AOC3: variants seen among roughly 807,000 people sequenced by gnomAD.
AOC3 encodes amine oxidase [copper-containing] 3.
A neutral mutation model predicts 55.4 loss-of-function variants in AOC3; 47 were observed. That is an observed-to-expected ratio of 0.85 (90% CI 0.67 to 1.08). The LOEUF is 1.08. Among genes scored for constraint, AOC3 ranks in the 50% least tolerant of loss-of-function variants. The pLI is 0.00. For synonymous variants in AOC3, 386 were observed against 410.7 expected (o/e 0.94, Z 0.73); for missense variants, 853 against 993.1 (o/e 0.86, Z 1.90).
chr17:42,855,322 G>A (rs1355555761), intron 2 of AOC3, 122 bp from the exon 3 acceptor site: 107 of 1,343,376 alleles, frequency 8.0e-5, no homozygotes, highest in Non-Finnish European at 9.9e-5. Context: ...ATTCTGTAGC[G>A]CCGAGTCAGT....
Position 42,852,106 on chromosome 17 carries a change from G to T in AOC3, c.763G>T (p.Asp255Tyr). ...LELLVNHKALDPARWTIQKVF... is the reference protein window; with the variant it reads ...LELLVNHKALYPARWTIQKVF... ...GCTGCTAGTGAACCACAAGGCCCTT[G>T]ACCCTGCCCGCTGGACTATCCAGAA... is the stretch of plus-strand genomic sequence containing the variant. Residue 255 changes from aspartate (D) to tyrosine (Y), a missense_variant, in exon 1 of 4, where the codon GAC (aspartate) becomes TAC (tyrosine). Asp to Tyr is a radical substitution (Grantham distance 160). Transcript: ENST00000308423. 1.9e-6 allele frequency: 3 copies of T among 1,613,860 alleles called. No homozygotes were observed. The highest frequency in any genetic ancestry group is 2.5e-6 in the Non-Finnish European group (3 of 1,179,860).
chr17:42,856,711 T>A lies in AOC3; in HGVS notation c.*161T>A. The A allele has an allele frequency of 1.2e-6, 1 of 820,680 alleles. No homozygotes were observed. The allele number at this position is 820,680 out of a possible 1,614,324, so 50.8% of individuals were successfully genotyped here. On this transcript the variant is annotated 3_prime_UTR_variant, in exon 4 of 4. Coordinates refer to ENST00000308423, the MANE Select transcript of AOC3 (RefSeq NM_003734.4). Reference sequence around the variant, plus strand: ...CGCATCCGCCTCTGAGCCAGGAGCCTCCTGACCCTGTGATGCCTGACACAG... The same window carrying A: ...CGCATCCGCCTCTGAGCCAGGAGCCACCTGACCCTGTGATGCCTGACACAG...
In AOC3 at chr17:42,852,073, G is replaced by T. The variant is rs1432869463; in HGVS notation, c.730G>T (p.Gly244Cys). ...CGCTGGGTTCTTCCTGCACCACGTGGGCTTGGAGCTGCTAGTGAACCACAA... is the reference window on the plus strand; with the variant it reads ...CGCTGGGTTCTTCCTGCACCACGTGTGCTTGGAGCTGCTAGTGAACCACAA... ...SGAGFFLHHV[G>C]LELLVNHKAL... The change falls in exon 1 of 4, where the codon GGC becomes TGC. Residue 244 changes from glycine to cysteine, a missense_variant. Transcript: ENST00000308423. 1 of 1,613,876 alleles carries T rather than the reference G, an allele frequency of 6.2e-7. No individual in the cohort carries two copies.
In AOC3 at chr17:42,856,468, A is replaced by G. The variant is rs780278122; in HGVS notation, c.2210A>G (p.Asn737Ser). ...CAGGATGCTGGGGCCTGCGAGGTCA[A>G]CCCCCTAGCTTGCCTGCCCCAGGCT... ...GDQDAGACEV[N>S]PLACLPQAAA... The change falls in exon 4 of 4, where the codon AAC (asparagine) becomes AGC (serine). Residue 737 changes from asparagine to serine, a missense_variant. Asn to Ser is a conservative substitution (Grantham distance 46). Coordinates refer to ENST00000308423, the MANE Select transcript of AOC3 (RefSeq NM_003734.4). The G allele has an allele frequency of 1.9e-5, 31 of 1,612,630 alleles. No individual in the cohort carries two copies. The African/African-American group carries it at 3.1e-4, about 16-fold the overall frequency.
At position 42,854,434 on chromosome 17, in the gene AOC3, C is replaced by G. The variant is rs1208128538; in HGVS notation, c.1601-14C>G. The stretch of plus-strand genomic sequence containing the variant: ...AGTTGCCTGACAGGCCCTCCCCTAT[C>G]CCACCCTGAGCAGGACTGGAGAACT... On this transcript the variant is annotated splice_polypyrimidine_tract_variant and intron_variant, in intron 1 of 3. Coordinates refer to ENST00000308423, the MANE Select transcript of AOC3 (RefSeq NM_003734.4). 2.7e-6 allele frequency: 4 copies of G among 1,485,488 alleles called. No individual in the cohort carries two copies. Among genetic ancestry groups the G allele is most frequent in the Non-Finnish European group, 3.6e-6 (4 of 1,113,250 alleles). 92.0% of individuals were successfully genotyped at this position (1,485,488 alleles called of 1,614,324 possible). A position where few individuals can be genotyped will look rare whatever the true frequency, so the allele number is the denominator to read the frequency against.
Position 42,857,674 on chromosome 17 carries a change from A to G in AOC3, c.*1124A>G, listed in dbSNP as rs1047330331. 6.6e-6 allele frequency: 1 copy of G among 152,292 alleles called. No individual in the cohort carries two copies. Among genetic ancestry groups the G allele is most frequent in the African/African-American group, 2.4e-5 (1 of 41,448 alleles). The allele number at this position is 152,292 out of a possible 1,614,324, so 9.4% of individuals were successfully genotyped here. On this transcript the variant is annotated 3_prime_UTR_variant, in exon 4 of 4. Transcript: ENST00000308423. The stretch of plus-strand genomic sequence containing the variant: ...CTGGCCTGGTCCAGGCTTGGGCTCC[A>G]TTCCCATCACTGCTGTCCCTCCTGA...
intron 2 of AOC3, 136 bp from the exon 3 acceptor site, chr17:42,855,308 G>C: frequency 1.6e-6 from 2 of 1,217,434 alleles, no homozygotes; most frequent in Non-Finnish European, 2.3e-6. Flanking sequence ...GGGTGACGTC[G>C]GGGATTCTGT....
In AOC3 at chr17:42,856,577, A is replaced by G; in HGVS notation, c.*27A>G. The G allele has an allele frequency of 6.9e-7, 1 of 1,450,364 alleles. No individual in the cohort carries two copies. 89.8% of individuals were successfully genotyped at this position (1,450,364 alleles called of 1,614,324 possible). A position where few individuals can be genotyped will look rare whatever the true frequency, so the allele number is the denominator to read the frequency against. ...CGGTCCTGGGATGGGGCATGTGGCC[A>G]AGGGCTCCAGGGCCAGGGTGTGAGG... is the stretch of plus-strand genomic sequence containing the variant. On this transcript the variant is annotated 3_prime_UTR_variant, in exon 4 of 4. Transcript: ENST00000308423.
rs2055745459 is a variant in AOC3, at chr17:42,856,194, TG to T, written c.2017-78del. On this transcript the variant is annotated intron_variant, in intron 3 of 3. Coordinates refer to ENST00000308423, the MANE Select transcript of AOC3 (RefSeq NM_003734.4). ...AAAATGTTTAAAGACTCATGATCCT[TG>T]GGCTGGTGAGCTGAATCCCTACCAG... is the stretch of plus-strand genomic sequence containing the variant. 5 of 1,538,820 alleles carry T rather than the reference TG, an allele frequency of 3.2e-6. No individual in the cohort carries two copies. In the African/African-American group the frequency reaches 4.1e-5, roughly 13 times the overall value.
Position 42,854,542 on chromosome 17 carries a change from C to G in AOC3, c.1695C>G (p.Thr565=), listed in dbSNP as rs2055719883. 1.2e-6 allele frequency: 2 copies of G among 1,610,736 alleles called. No homozygotes were observed. Among genetic ancestry groups the G allele is most frequent in the East Asian group, 2.2e-5 (1 of 44,606 alleles). ...ACCAGCTGCAGAGGCTGCAGGTGAC[C>G]CGGAAGCTGCTGGAGATGGAGGAGC... ...PEHQLQRLQV[T]RKLLEMEEQA... The change falls in exon 2 of 4, where the codon ACC becomes ACG. Residue 565 remains threonine (T), a synonymous_variant. Coordinates refer to ENST00000308423, the MANE Select transcript of AOC3 (RefSeq NM_003734.4).
In AOC3 at chr17:42,851,403, G is replaced by C; in HGVS notation, c.60G>C (p.Leu20Phe). 1 of 1,613,688 alleles carries C rather than the reference G, an allele frequency of 6.2e-7. No individual in the cohort carries two copies. Among genetic ancestry groups the C allele is most frequent in the Non-Finnish European group, 8.5e-7 (1 of 1,179,766 alleles). The change falls in exon 1 of 4, where the codon TTG becomes TTC. Residue 20 changes from leucine to phenylalanine, a missense_variant. By Grantham distance (22) the Leu-to-Phe change is conservative. Transcript: ENST00000308423. ...TGGCCGTCATCACCATCTTTGCCTT[G>C]GTTTGTGTCCTGCTGGTGGGCAGGG... ...LILAVITIFA[L>F]VCVLLVGRGG... is the part of the protein sequence containing the mutation.
At position 42,852,188 on chromosome 17, in the gene AOC3, A is replaced by G. The variant is rs1207513587; in HGVS notation, c.845A>G (p.Glu282Gly). 9.9e-6 allele frequency: 16 copies of G among 1,613,808 alleles called. No individual in the cohort carries two copies. The highest frequency in any genetic ancestry group is 1.3e-5 in the Non-Finnish European group (15 of 1,179,812). The change falls in exon 1 of 4, where the codon GAG becomes GGG. Residue 282 changes from glutamate (E) to glycine (G), a missense_variant. By Grantham distance (98) the Glu-to-Gly change is moderately conservative. Transcript: ENST00000308423. ...DSLAQLEAQF[E>G]AGLVNVVLIP... is the part of the protein sequence containing the mutation. ...CTGGCCCAGCTGGAGGCCCAGTTTG[A>G]GGCCGGCCTGGTGAATGTGGTGCTG...
At chr17:42,853,221 A>G in intron 1 of AOC3, 1 of 1,290,698 alleles carries the variant, frequency 7.7e-7, no homozygotes, top group Non-Finnish European at 9.9e-7. Context: ...CAGTGTCCCC[A>G]TTGCCCTCTT....
rs1412201918 is a variant in AOC3 at position 42,854,461 on chromosome 17, G to A, written c.1614G>A (p.Trp538Ter). The A allele has an allele frequency of 2.6e-6, 4 of 1,547,890 alleles. No homozygotes were observed. Among genetic ancestry groups the A allele is most frequent in the African/African-American group, 2.8e-5 (2 of 72,720 alleles). The change falls in exon 2 of 4, where the codon TGG becomes TGA. Residue 538 changes from tryptophan (W) to a stop codon, truncating the protein, a stop_gained. Transcript: ENST00000308423. LOFTEE classifies it high-confidence loss of function. ...VDLDVAGLEN[W>*]VWAEDMVFVP... Reference sequence around the variant, plus strand: ...CACCCTGAGCAGGACTGGAGAACTGGGTCTGGGCCGAGGATATGGTCTTTG... The same window carrying A: ...CACCCTGAGCAGGACTGGAGAACTGAGTCTGGGCCGAGGATATGGTCTTTG...
At position 42,851,600 on chromosome 17, in the gene AOC3, C is replaced by T. The variant is rs1391983101; in HGVS notation, c.257C>T (p.Ala86Val). The change falls in exon 1 of 4, where the codon GCA becomes GTA. Residue 86 changes from alanine (A) to valine (V), a missense_variant. Transcript: ENST00000308423. ...TQRLGPGLVD[A>V]AQARPSDNCV... ...CGGCTGGGGCCAGGGCTGGTGGATG[C>T]AGCCCAGGCCCGGCCCTCGGACAAC... 2.5e-6 allele frequency: 4 copies of T among 1,612,736 alleles called. No individual in the cohort carries two copies.
rs373778494 is a variant in AOC3, at chr17:42,853,348, G to T, written c.1600+405G>T. 1.1e-5 allele frequency: 11 copies of T among 1,017,596 alleles called. No individual in the cohort carries two copies. In the East Asian group the frequency reaches 8.1e-4, roughly 75 times the overall value. The allele number at this position is 1,017,596 out of a possible 1,614,324, so 63.0% of individuals were successfully genotyped here. ...GGAGGATCTCTTTGCATTCTACCAC[G>T]TCCCTGGCATGTGCAGGTCAGTCAT... On this transcript the variant is annotated intron_variant, in intron 1 of 3. Coordinates refer to ENST00000308423, the MANE Select transcript of AOC3 (RefSeq NM_003734.4).
At position 42,851,475 on chromosome 17, in the gene AOC3, A is replaced by G. The variant is rs1391843089; in HGVS notation, c.132A>G (p.Val44=). The part of the protein sequence containing the change: ...EPSQLPHCPS[V]SPSAQPWTHP... ...GCCAGCTTCCCCATTGCCCCTCTGT[A>G]TCTCCCAGTGCCCAGCCTTGGACAC... The change falls in exon 1 of 4, where the codon GTA becomes GTG. Residue 44 remains valine, a synonymous_variant. Transcript: ENST00000308423. The G allele has an allele frequency of 2.5e-6, 4 of 1,613,974 alleles. No individual in the cohort carries two copies. The highest frequency in any genetic ancestry group is 1.3e-5 in the African/African-American group (1 of 74,884).
chr17:42,854,748 G>T lies in AOC3; in HGVS notation c.1886+15G>T, dbSNP rs778756327. 8.2e-6 allele frequency: 12 copies of T among 1,460,374 alleles called. No individual in the cohort carries two copies. The highest frequency in any genetic ancestry group is 1.1e-5 in the Non-Finnish European group (12 of 1,101,108). The allele number at this position is 1,460,374 out of a possible 1,614,324, so 90.5% of individuals were successfully genotyped here. A position where few individuals can be genotyped will look rare whatever the true frequency, so the allele number is the denominator to read the frequency against. On this transcript the variant is annotated intron_variant, in intron 2 of 3. Transcript: ENST00000308423. ...AGCTGGGAGAGGTGAGTGGCGGGCAGTCAGAGAGGAGGGGGGCAGTGAGAG... is the reference window on the plus strand; with the variant it reads ...AGCTGGGAGAGGTGAGTGGCGGGCATTCAGAGAGGAGGGGGGCAGTGAGAG...
At chr17:42,856,169 A>G (rs912755892) in intron 3 of AOC3, 106 bp from the exon 4 acceptor site, 51 of 1,421,104 alleles carry the variant, frequency 3.6e-5, no homozygotes, top group Non-Finnish European at 4.8e-5. Flanking sequence ...CCAGCAGGAA[A>G]AAATGTTTAA....
Sources: gnomAD v4.1 joint callset for allele counts on GRCh38, gnomAD v4.1.1 for gene constraint, MANE v1.5 for transcripts, NCBI Gene and HGNC (gene_info 2026-07-23, HGNC 2026-07-21) for gene names.